The following MRPS35 variants were observed in gnomAD, a reference collection of about 807,000 sequenced individuals.
MRPS35 encodes the protein small ribosomal subunit protein mS35.
In MRPS35, 29 loss-of-function variants were observed where a neutral mutation model predicts 32.7. The ratio of observed to expected loss-of-function variants is 0.89; its 90% CI spans 0.66 to 1.21. The LOEUF is 1.21. Ranked by LOEUF, MRPS35 falls within the 50% of genes most tolerant of loss-of-function variation. MRPS35 has a pLI of 0.00. For synonymous variants in MRPS35, 148 were observed against 139.3 expected, an observed-to-expected ratio of 1.06 and a Z score of -0.44; for missense variants, 373 against 383.8, an observed-to-expected ratio of 0.97 and a Z score of 0.23.
Position 27,737,612 on chromosome 12 carries a change from A to G in MRPS35, c.702+4A>G, listed in dbSNP as rs2061947763. ...AGTGTTATACCATGAGTCTTGGGTA[A>G]GTGTGTGTGAATATTTAATGATTTT... On this transcript the variant is annotated splice_donor_region_variant and intron_variant, in intron 7 of 7. Coordinates refer to ENST00000081029, the MANE Select transcript of MRPS35 (RefSeq NM_021821.4). 6.3e-7 allele frequency: 1 copy of G among 1,592,394 alleles called. No individual in the cohort carries two copies. The highest frequency in any genetic ancestry group is 8.6e-7 in the Non-Finnish European group (1 of 1,163,370).
intron 7 of MRPS35, among the ~76,000 whole-genome samples, chr12:27,748,722 G>A (rs1458642603): frequency 1.3e-5 from 2 of 152,050 alleles, no homozygotes; most frequent in African/African-American, 4.8e-5. Flanking sequence ...CCAGGCTGGA[G>A]TGCAGTGGTG....
chr12:27,711,032 G>T, intron 1 of MRPS35, 77 bp downstream of exon 1: 2 of 1,396,424 alleles, frequency 1.4e-6, no homozygotes. Flanking sequence ...AGGGTGCCGC[G>T]GTGGCTGAGC....
At chr12:27,722,011 C>T (rs188792113) in intron 4 of MRPS35, among the ~76,000 whole-genome samples, 118 of 152,104 alleles carry the variant, frequency 7.8e-4, no homozygotes, top group African/African-American at 2.7e-3. Context: ...CAGAGTGAGA[C>T]CCTGTCGCAA....
intron 3 of MRPS35, among the ~76,000 whole-genome samples, chr12:27,716,998 A>G (rs1437804424): frequency 6.6e-6 from 1 of 151,940 alleles, no homozygotes; most frequent in African/African-American, 2.4e-5. Context: ...CTCAGGAAAA[A>G]AAAAAAGAGT....
intron 7 of MRPS35, among the ~76,000 whole-genome samples, chr12:27,745,579 T>A (rs1052338189): frequency 1.3e-4 from 19 of 151,334 alleles, no homozygotes; most frequent in Admixed American, 3.3e-4. Flanking sequence ...TTTTTTTTTT[T>A]AAATTATACT....
At chr12:27,718,244 G>A (rs908807165) in intron 3 of MRPS35, among the ~76,000 whole-genome samples, 3 of 152,052 alleles carry the variant, frequency 2.0e-5, no homozygotes, top group Admixed American at 2.0e-4. Flanking sequence ...GGCCAACATA[G>A]CAAAACCCCA....
intron 4 of MRPS35, among the ~76,000 whole-genome samples, chr12:27,722,289 G>T (rs1323378564): frequency 6.6e-6 from 1 of 152,098 alleles, no homozygotes; most frequent in Non-Finnish European, 1.5e-5. Context: ...CTGAAGCATG[G>T]GAAAGTTAGG....
intron 7 of MRPS35, among the ~76,000 whole-genome samples, chr12:27,741,055 C>T (rs1294155006): frequency 1.3e-5 from 2 of 152,018 alleles, no homozygotes; most frequent in African/African-American, 4.8e-5. Flanking sequence ...GTAGTCCCAG[C>T]TACTCGGGAG....
At chr12:27,733,464 C>G (rs2061930711) in intron 5 of MRPS35, among the ~76,000 whole-genome samples, 1 of 151,996 alleles carries the variant, frequency 6.6e-6, no homozygotes, top group Non-Finnish European at 1.5e-5. Context: ...GCTTTTGAAA[C>G]TTTTAAATTT....
In MRPS35 at chr12:27,717,459, TG is replaced by T. The variant is rs566235287; in HGVS notation, c.321+1004del. 6.6e-5 allele frequency among the ~76,000 whole-genome samples: 10 copies of T among 152,344 alleles called. No individual in the cohort carries two copies. The South Asian group carries it at 1.9e-3, about 28-fold the overall frequency. The stretch of plus-strand genomic sequence containing the variant: ...TTAAAGAAAATATAAATGCTTAGTC[TG>T]GGAATGCATATCTTAGATGGTTTCT... On this transcript the variant is annotated intron_variant, in intron 3 of 7. Transcript: ENST00000081029.
At chr12:27,727,487 T>C (rs1049957741) in intron 5 of MRPS35, among the ~76,000 whole-genome samples, 1 of 152,146 alleles carries the variant, frequency 6.6e-6, no homozygotes, top group Non-Finnish European at 1.5e-5. Context: ...CAAGGAGCAA[T>C]TGACTATACC....
chr12:27,753,661 A>G (rs1247993622), intron 7 of MRPS35, among the ~76,000 whole-genome samples: 1 of 152,178 alleles, frequency 6.6e-6, no homozygotes, highest in Non-Finnish European at 1.5e-5. Context: ...GTTATTCAGA[A>G]TAATAGATGA....
chr12:27,723,120 A>G (rs551754719), intron 4 of MRPS35, among the ~76,000 whole-genome samples: 1 of 152,346 alleles, frequency 6.6e-6, no homozygotes, highest in African/African-American at 2.4e-5. Context: ...GAGGCTGTTT[A>G]AGAAATGAGA....
At chr12:27,721,796 G>A (rs2061876433) in intron 4 of MRPS35, among the ~76,000 whole-genome samples, 1 of 152,166 alleles carries the variant, frequency 6.6e-6, no homozygotes, top group South Asian at 2.1e-4. Context: ...CTTTTTAAAT[G>A]TGACAGGGCG....
chr12:27,736,886 A>AT (rs1347702837), intron 6 of MRPS35, among the ~76,000 whole-genome samples: 10 of 151,990 alleles, frequency 6.6e-5, no homozygotes, highest in African/African-American at 2.4e-4. Context: ...TTATTTTTAA[A>AT]TTTTTTTAGA....
chr12:27,719,529 G>A (rs1281447251), intron 3 of MRPS35, among the ~76,000 whole-genome samples: 4 of 151,790 alleles, frequency 2.6e-5, no homozygotes, highest in Non-Finnish European at 5.9e-5. Flanking sequence ...AGCCGGGCGT[G>A]GTGGCGGGCG....
chr12:27,737,473 A>G (rs775228527), intron 6 of MRPS35, 66 bp from the exon 7 acceptor site: 93 of 1,200,692 alleles, frequency 7.7e-5, no homozygotes, highest in Non-Finnish European at 1.1e-4. Flanking sequence ...TATATTGCAT[A>G]TTTTGCAAAT....
At chr12:27,749,323 A>G (rs1030921064) in intron 7 of MRPS35, among the ~76,000 whole-genome samples, 1 of 145,662 alleles carries the variant, frequency 6.9e-6, no homozygotes, top group Non-Finnish European at 1.5e-5. Flanking sequence ...TGTTAAGGAA[A>G]CTTACCAAAA....
chr12:27,717,749 G>A (rs1327713847), intron 3 of MRPS35, among the ~76,000 whole-genome samples: 3 of 152,164 alleles, frequency 2.0e-5, no homozygotes, highest in African/African-American at 4.8e-5. Flanking sequence ...GAGAGTAGCG[G>A]TATATTTGCA....
Sources: gnomAD v4.1 joint callset for allele counts (sites outside exome capture counted in the v4.1 genomes callset) on GRCh38, gnomAD v4.1.1 for gene constraint, MANE v1.5 for transcripts, NCBI Gene and HGNC (gene_info 2026-07-23, HGNC 2026-07-21) for gene names.